REPS2: variants seen among roughly 807,000 people sequenced by gnomAD.
The protein encoded by REPS2 is RALBP1 associated Eps domain containing 2.
In REPS2, 23 loss-of-function variants were observed where a neutral mutation model predicts 53.6. The ratio of observed to expected loss-of-function variants is 0.43; its 90% CI spans 0.31 to 0.61. REPS2 has a LOEUF of 0.61. Ranked by LOEUF, REPS2 falls within the 20% of genes least tolerant of loss-of-function variation. REPS2 has a pLI of 0.11. For synonymous variants in REPS2, 238 were observed against 218.6 expected (o/e 1.09, Z -0.78); for missense variants, 446 against 534.9 (o/e 0.83, Z 1.64).
chrX:17,153,895 T>C (rs766459595), downstream of REPS2, among the ~76,000 whole-genome samples: 2 of 111,539 alleles, frequency 1.8e-5, no homozygotes, highest in South Asian at 7.7e-4. Flanking sequence ...TTCCTAAGCA[T>C]TGATGTGGAT....
At chrX:16,947,362 T>C (rs2060452458) in intron 1 of REPS2, among the ~76,000 whole-genome samples, 1 of 112,091 alleles carries the variant, frequency 8.9e-6, no homozygotes, top group African/African-American at 3.2e-5. Context: ...CTCCCCATCT[T>C]CCTTCCCTGA....
At chrX:17,046,159 ATT>A (rs112879575) in intron 5 of REPS2, among the ~76,000 whole-genome samples, 2 of 98,090 alleles carry the variant, frequency 2.0e-5, no homozygotes. Flanking sequence ...ATTTTTATTT[ATT>A]TTTTTTTTTT....
At chrX:17,028,272 G>A (rs2061671417) in intron 4 of REPS2, among the ~76,000 whole-genome samples, 1 of 111,905 alleles carries the variant, frequency 8.9e-6, no homozygotes, top group Admixed American at 9.5e-5. Flanking sequence ...CCATGCCACA[G>A]TTCACTGTGT....
intron 2 of REPS2, among the ~76,000 whole-genome samples, chrX:17,011,057 C>CTGTGTGTGTGTGTG (rs60541913): frequency 1.8e-4 from 18 of 102,553 alleles, no homozygotes; most frequent in African/African-American, 6.5e-4. Flanking sequence ...TTTGCTTAAA[C>CTGTGTGTGTGTGTG]TGTGTGTGTG....
Position 16,946,903 on chromosome X carries a change from G to T in REPS2, c.42G>T (p.Ala14=), listed in dbSNP as rs2060439471. ...AAAAAAAAAA[A]AAAGGGCGSG... is the part of the protein sequence containing the mutation. Reference sequence around the variant, plus strand: ...CGGCGGCGGCGGCGGCAGCGGCAGCGGCAGCGGCGGGCGGGGGCTGTGGCT... The same window carrying T: ...CGGCGGCGGCGGCGGCAGCGGCAGCTGCAGCGGCGGGCGGGGGCTGTGGCT... The change falls in exon 1 of 18, where the codon GCG becomes GCT. Residue 14 remains alanine (A), a synonymous_variant. Transcript: ENST00000357277. The T allele has an allele frequency of 1.3e-6, 1 of 787,595 alleles. No individual in the cohort carries two copies. Among genetic ancestry groups the T allele is most frequent in the Non-Finnish European group, 1.5e-6 (1 of 663,564 alleles). The allele number at this position is 787,595 out of a possible 1,213,427, so 64.9% of individuals were successfully genotyped here.
rs183008466 is a variant in REPS2 at position 16,969,977 on chromosome X, C to T, written c.273+22843C>T. The stretch of plus-strand genomic sequence containing the variant: ...AACTATATTGCTTTCTACTTTTGGG[C>T]TTTCAGCCAACGTGTAAATATTGAC... On this transcript the variant is annotated intron_variant, in intron 1 of 17. Transcript: ENST00000357277. Among the ~76,000 whole-genome samples the T allele has an allele frequency of 3.8e-3, 429 of 111,941 alleles. 1 individual carries two copies. Among genetic ancestry groups the T allele is most frequent in the Non-Finnish European group, 6.6e-3 (350 of 53,144 alleles).
chrX:16,946,721 G>A lies in REPS2; in HGVS notation c.-141G>A. ...AGGAAGCGGCCGCGCGGCAGCTGCGGGGCGTGGGGGTGGTGGTGGCGGCGG... is the reference window on the plus strand; with the variant it reads ...AGGAAGCGGCCGCGCGGCAGCTGCGAGGCGTGGGGGTGGTGGTGGCGGCGG... On this transcript the variant is annotated 5_prime_UTR_variant, in exon 1 of 18. Transcript: ENST00000357277. 1 of 663,612 alleles carries A rather than the reference G, an allele frequency of 1.5e-6. No individual in the cohort carries two copies. The highest frequency in any genetic ancestry group is 1.8e-6 in the Non-Finnish European group (1 of 558,082). 54.7% of individuals were successfully genotyped at this position (663,612 alleles called of 1,213,427 possible).
chrX:17,102,083 T>TTATG (rs1569178018), intron 13 of REPS2, among the ~76,000 whole-genome samples: 3,402 of 43,499 alleles, frequency 0.078, 110 homozygotes, highest in African/African-American at 0.15. Context: ...GTTATGTTAT[T>TTATG]TTATTTTATT....
chrX:17,036,849 AGTGTGT>A (rs143234384), intron 5 of REPS2, among the ~76,000 whole-genome samples: 2 of 102,940 alleles, frequency 1.9e-5, no homozygotes, highest in East Asian at 6.2e-4. Flanking sequence ...AGAGAGTATA[AGTGTGT>A]GTGTGTGTGT....
intron 13 of REPS2, among the ~76,000 whole-genome samples, chrX:17,082,322 G>GAT (rs1378449094): frequency 8.9e-6 from 1 of 112,701 alleles, no homozygotes; most frequent in African/African-American, 3.2e-5. Flanking sequence ...TAGGCCCATG[G>GAT]ATAGACCTAG....
intron 6 of REPS2, among the ~76,000 whole-genome samples, chrX:17,049,731 GT>G (rs2061954065): frequency 1.8e-5 from 2 of 111,160 alleles, no homozygotes; most frequent in African/African-American, 6.6e-5. Context: ...TATCTATTAA[GT>G]TGAAAACAAT....
At chrX:16,954,056 C>A (rs1380145827) in intron 1 of REPS2, among the ~76,000 whole-genome samples, 2 of 111,110 alleles carry the variant, frequency 1.8e-5, no homozygotes, top group African/African-American at 6.6e-5. Flanking sequence ...TGGGCTCAAG[C>A]AATCTTCCTG....
chrX:16,974,519 C>T (rs780027568), intron 1 of REPS2, among the ~76,000 whole-genome samples: 3 of 110,309 alleles, frequency 2.7e-5, no homozygotes, highest in Admixed American at 1.9e-4. Flanking sequence ...AGCCATGGCA[C>T]CTATAATCCC....
chrX:17,051,250 T>C (rs973413405), intron 6 of REPS2, among the ~76,000 whole-genome samples: 4 of 112,031 alleles, frequency 3.6e-5, no homozygotes, highest in African/African-American at 1.3e-4. Flanking sequence ...ACATTTTCTT[T>C]ATTCATCTGT....
intron 5 of REPS2, among the ~76,000 whole-genome samples, chrX:17,042,918 C>T (rs745838208): frequency 9.0e-6 from 1 of 111,020 alleles, no homozygotes; most frequent in African/African-American, 3.3e-5. Flanking sequence ...ACCTCAGCCT[C>T]CTGAGTAGCT....
intron 2 of REPS2, among the ~76,000 whole-genome samples, chrX:17,018,553 A>T (rs2061529976): frequency 9.4e-6 from 1 of 106,429 alleles, no homozygotes; most frequent in Non-Finnish European, 1.9e-5. Context: ...GTGAAACCAC[A>T]CAGTACCTGT....
Position 17,152,420 on chromosome X carries a change from T to C in REPS2, c.*4939T>C, listed in dbSNP as rs1294180641. 8.9e-6 allele frequency: 1 copy of C among 112,334 alleles called. No individual in the cohort carries two copies. Among genetic ancestry groups the C allele is most frequent in the African/African-American group, 3.2e-5 (1 of 30,933 alleles). 9.3% of individuals were successfully genotyped at this position (112,334 alleles called of 1,213,427 possible). A position where few individuals can be genotyped will look rare whatever the true frequency, so the allele number is the denominator to read the frequency against. On this transcript the variant is annotated 3_prime_UTR_variant, in exon 18 of 18. Transcript: ENST00000357277. ...CTGTCAACAATTGGGAAATGCTCAT[T>C]TTTTCATGTTTTGTGAATACTCTGG...
intron 8 of REPS2, among the ~76,000 whole-genome samples, chrX:17,061,243 CTGTA>C (rs1228191050): frequency 8.9e-6 from 1 of 112,114 alleles, no homozygotes; most frequent in Non-Finnish European, 1.9e-5. Context: ...TACTTACTTA[CTGTA>C]TGTATGTATG....
intron 4 of REPS2, 124 bp downstream of exon 4, chrX:17,025,309 G>T: frequency 1.4e-6 from 1 of 733,124 alleles, no homozygotes; most frequent in Non-Finnish European, 1.9e-6. Flanking sequence ...TGGAAACATG[G>T]CTCAATTTAA....
Sources: allele counts gnomAD v4.1 joint callset (sites outside exome capture counted in the v4.1 genomes callset), GRCh38; gene constraint gnomAD v4.1.1; transcripts MANE v1.5; gene names NCBI Gene and HGNC (gene_info 2026-07-23, HGNC 2026-07-21).